Variants in TPRG1 observed in about 807,000 individuals in gnomAD.
TPRG1 encodes the protein tumor protein p63-regulated gene 1 protein.
TPRG1 carries 29 observed loss-of-function variants against 29.3 expected under a neutral mutation model. The ratio of observed to expected loss-of-function variants is 0.99; its 90% confidence interval spans 0.74 to 1.35. The LOEUF (loss-of-function observed/expected upper bound fraction) is 1.35, where lower values mean the gene tolerates loss of function less well. Among genes scored for constraint, TPRG1 ranks in the 40% most tolerant of loss-of-function variants. The probability of loss-of-function intolerance (pLI) is 0.00; values close to 1 mark genes in which losing one functional copy is unlikely to be tolerated. For synonymous variants in TPRG1, 130 were observed against 116.8 expected (o/e 1.11, Z -0.73); for missense variants, 327 against 335.0 (o/e 0.98, Z 0.19).
intron 3 of TPRG1, among the ~76,000 whole-genome samples, chr3:189,142,019 T>A (rs1363191357): frequency 6.6e-6 from 1 of 151,892 alleles, no homozygotes; most frequent in Admixed American, 6.6e-5. Context: ...GGGACCAAGT[T>A]TAAGGAGTCT....
chr3:189,296,849 T>C (rs1027990675), intron 4 of TPRG1, among the ~76,000 whole-genome samples: 4 of 152,252 alleles, frequency 2.6e-5, no homozygotes, highest in East Asian at 1.9e-4. Context: ...AACCTTATAC[T>C]AGTCTGTTTC....
chr3:189,262,243 T>TAAGTATAA (rs1560619829), intron 4 of TPRG1, among the ~76,000 whole-genome samples: 3 of 151,632 alleles, frequency 2.0e-5, no homozygotes, highest in African/African-American at 7.3e-5. Context: ...AGTATAAGTA[T>TAAGTATAA]AAGTATAAGT....
At chr3:189,214,149 A>T (rs1385889443) in intron 2 of TPRG1, among the ~76,000 whole-genome samples, 4 of 152,210 alleles carry the variant, frequency 2.6e-5, no homozygotes, top group Non-Finnish European at 5.9e-5. Context: ...AAAATTCTAC[A>T]TGATTATACT....
chr3:189,119,427 G>A (rs1246026994), intron 1 of TPRG1, among the ~76,000 whole-genome samples: 6 of 152,210 alleles, frequency 3.9e-5, no homozygotes, highest in African/African-American at 1.4e-4. Flanking sequence ...CTAAGACTTT[G>A]GGGGACTGTT....
intron 4 of TPRG1, among the ~76,000 whole-genome samples, chr3:189,264,754 T>C (rs1713761306): frequency 6.6e-6 from 1 of 152,240 alleles, no homozygotes; most frequent in Non-Finnish European, 1.5e-5. Flanking sequence ...GCCTAGGTTG[T>C]TGTCTTCCTA....
intron 4 of TPRG1, among the ~76,000 whole-genome samples, chr3:189,053,824 A>G (rs1293231372): frequency 6.6e-6 from 1 of 152,186 alleles, no homozygotes; most frequent in Non-Finnish European, 1.5e-5. Flanking sequence ...TTTTGGTAAC[A>G]AGGAGAGTTA....
intron 4 of TPRG1, among the ~76,000 whole-genome samples, chr3:189,249,550 A>G (rs1741849538): frequency 1.3e-5 from 2 of 151,968 alleles, no homozygotes; most frequent in Non-Finnish European, 2.9e-5. Context: ...ACCTATTTAC[A>G]TATATTAGTA....
At position 189,307,678 on chromosome 3, in the gene TPRG1, G is replaced by A. The variant is rs1721839533; in HGVS notation, c.480-2708G>A. Reference sequence around the variant, plus strand: ...GAGGTCTCAGGAAACCAGGACTCTTGCCAGTTCATCCCTGTCTTGTAGTGA... The same window carrying A: ...GAGGTCTCAGGAAACCAGGACTCTTACCAGTTCATCCCTGTCTTGTAGTGA... On this transcript the variant is annotated intron_variant, in intron 4 of 5. Transcript: ENST00000345063. Among the ~76,000 whole-genome samples, 3 of 152,212 alleles carry A rather than the reference G, an allele frequency of 2.0e-5. No homozygotes were observed. In the South Asian group the frequency reaches 6.2e-4, roughly 32 times the overall value.
chr3:189,292,815 C>T (rs1719234461), intron 4 of TPRG1, among the ~76,000 whole-genome samples: 1 of 152,162 alleles, frequency 6.6e-6, no homozygotes, highest in Non-Finnish European at 1.5e-5. Context: ...TTAAATACTA[C>T]CTGGCAACGA....
At chr3:189,068,577 T>C (rs1438100975) in intron 4 of TPRG1, among the ~76,000 whole-genome samples, 1 of 152,086 alleles carries the variant, frequency 6.6e-6, no homozygotes, top group African/African-American at 2.4e-5. Flanking sequence ...GCGTTTGAGA[T>C]CAGCCTGGCC....
At chr3:189,278,322 GGA>G (rs144330821) in intron 4 of TPRG1, among the ~76,000 whole-genome samples, 4,985 of 152,228 alleles carry the variant, frequency 0.033, 285 homozygotes, top group African/African-American at 0.11. Flanking sequence ...TGCCCTGGGT[GGA>G]GAGAGAGCAG....
At chr3:189,270,654 G>A (rs1177583335) in intron 4 of TPRG1, among the ~76,000 whole-genome samples, 1 of 152,198 alleles carries the variant, frequency 6.6e-6, no homozygotes, top group African/African-American at 2.4e-5. Flanking sequence ...CCACTACAAT[G>A]CATTAAATAG....
At chr3:189,028,815 A>G (rs1713792844) in intron 4 of TPRG1, among the ~76,000 whole-genome samples, 1 of 152,174 alleles carries the variant, frequency 6.6e-6, no homozygotes, top group Non-Finnish European at 1.5e-5. Flanking sequence ...ATGTATTTCT[A>G]CTGTACGTTA....
chr3:189,257,842 T>G lies in TPRG1; in HGVS notation c.479+18933T>G, dbSNP rs370299987. On this transcript the variant is annotated intron_variant, in intron 4 of 5. Coordinates refer to ENST00000345063, the MANE Select transcript of TPRG1 (RefSeq NM_198485.4). ...TCACAAGGTTCTCGTGCTATGTTTCTCAGCTCCATCAGGTCATTTATATTC... is the reference window on the plus strand; with the variant it reads ...TCACAAGGTTCTCGTGCTATGTTTCGCAGCTCCATCAGGTCATTTATATTC... 8.5e-5 allele frequency among the ~76,000 whole-genome samples: 13 copies of G among 152,348 alleles called. No homozygotes were observed. The East Asian group carries it at 9.6e-4, about 11-fold the overall frequency.
At chr3:189,117,518 T>C (rs1387225989) in intron 1 of TPRG1, among the ~76,000 whole-genome samples, 1 of 152,228 alleles carries the variant, frequency 6.6e-6, no homozygotes, top group African/African-American at 2.4e-5. Context: ...ACCAGCACTT[T>C]TGTGGGTTCA....
chr3:189,157,981 T>C (rs1188190581), intron 5 of TPRG1, among the ~76,000 whole-genome samples: 1 of 152,230 alleles, frequency 6.6e-6, no homozygotes, highest in Non-Finnish European at 1.5e-5. Flanking sequence ...AGCAAGTGCA[T>C]CCTTTTAGGA....
At position 189,321,242 on chromosome 3, in the gene TPRG1, C is replaced by A. The variant is rs1020284024; in HGVS notation, c.*422C>A. The A allele has an allele frequency of 6.6e-6, 1 of 151,178 alleles. No individual in the cohort carries two copies. Among genetic ancestry groups the A allele is most frequent in the African/African-American group, 2.4e-5 (1 of 40,908 alleles). 9.4% of individuals were successfully genotyped at this position (151,178 alleles called of 1,614,324 possible). ...TCACTGTCTCTAGTATTTTAGCTAC[C>A]ACTTGATAAGGATGACTTCCAAATT... On this transcript the variant is annotated 3_prime_UTR_variant, in exon 6 of 6. Coordinates refer to ENST00000345063, the MANE Select transcript of TPRG1 (RefSeq NM_198485.4).
intron 4 of TPRG1, among the ~76,000 whole-genome samples, chr3:189,299,874 G>T (rs1389587312): frequency 6.6e-6 from 1 of 152,156 alleles, no homozygotes; most frequent in Non-Finnish European, 1.5e-5. Context: ...GCTGTGAGGG[G>T]TTGTGGTTTT....
intron 4 of TPRG1, among the ~76,000 whole-genome samples, chr3:189,056,341 C>T (rs934341015): frequency 6.6e-6 from 1 of 152,034 alleles, no homozygotes; most frequent in Non-Finnish European, 1.5e-5. Context: ...AGTGACCTAC[C>T]CACCTCTGCC....
Sources: gnomAD v4.1 joint callset for allele counts (sites outside exome capture counted in the v4.1 genomes callset) on GRCh38, gnomAD v4.1.1 for gene constraint, MANE v1.5 for transcripts, NCBI Gene and HGNC (gene_info 2026-07-23, HGNC 2026-07-21) for gene names.